PSMA1: variants seen among roughly 807,000 people sequenced by gnomAD.
PSMA1 encodes the protein proteasome subunit alpha type-1.
A neutral mutation model predicts 38.4 loss-of-function variants in PSMA1; 3 were observed. The ratio of observed to expected loss-of-function variants is 0.08; its 90% CI spans 0.04 to 0.20. PSMA1 has a LOEUF of 0.20. Ranked by LOEUF, PSMA1 falls within the 10% of genes least tolerant of loss-of-function variation. The pLI, the probability that PSMA1 is intolerant of heterozygous loss-of-function variation, is 1.00. For synonymous variants in PSMA1, 101 were observed against 107.1 expected, an observed-to-expected ratio of 0.94 and a Z score of 0.35; for missense variants, 227 against 325.3, an observed-to-expected ratio of 0.70 and a Z score of 2.32.
At chr11:14,543,482 G>T (rs1390561958) in intron 2 of PSMA1, among the ~76,000 whole-genome samples, 1 of 151,506 alleles carries the variant, frequency 6.6e-6, no homozygotes, top group Non-Finnish European at 1.5e-5. Flanking sequence ...TATATTTACA[G>T]AATTGTGCAA....
intron 8 of PSMA1, 143 bp from the exon 9 acceptor site, chr11:14,507,909 A>G (rs1230420328): frequency 1.7e-6 from 1 of 595,676 alleles, no homozygotes; most frequent in African/African-American, 1.9e-5. Context: ...TGTAGGAGAA[A>G]AAAGAAGGAA....
chr11:14,539,096 G>C (rs1004627571), intron 2 of PSMA1, among the ~76,000 whole-genome samples: 1 of 152,178 alleles, frequency 6.6e-6, no homozygotes, highest in Non-Finnish European at 1.5e-5. Flanking sequence ...ATTTGTCTGT[G>C]GGAATTTCAA....
intron 3 of PSMA1, 58 bp downstream of exon 3, chr11:14,517,822 C>A: frequency 1.3e-6 from 2 of 1,507,782 alleles, no homozygotes; most frequent in Non-Finnish European, 1.8e-6. Context: ...ACCTTATTTT[C>A]TATGGTGAAA....
chr11:14,634,471 G>A lies in PSMA1; in HGVS notation c.-166+8984C>T, dbSNP rs141799667. 1.2e-3 allele frequency among the ~76,000 whole-genome samples: 185 copies of A among 151,936 alleles called. 5 individuals are homozygous for A. The East Asian group carries it at 0.034, about 28-fold the overall frequency. ...GGGGATATGTTTTTTTGAAGGCGAA[G>A]ATTCCACTTAATTCTTCGTAAAATT... On this transcript the variant is annotated intron_variant, in intron 1 of 10. Coordinates refer to the PSMA1 transcript ENST00000418988.
In PSMA1 at chr11:14,624,694, T is replaced by C. The variant is rs186304341; in HGVS notation, c.-165-13543A>G. Among the ~76,000 whole-genome samples, 22 of 152,238 alleles carry C rather than the reference T, an allele frequency of 1.4e-4. No homozygotes were observed. In the South Asian group the frequency reaches 2.1e-3, roughly 14 times the overall value. On this transcript the variant is annotated intron_variant, in intron 1 of 10. Coordinates refer to the PSMA1 transcript ENST00000418988. ...TGGCAGGGGTAATCAACCCTGATCATTGGGAGAAGGTAGTGCTGCTTATAG... is the reference window on the plus strand; with the variant it reads ...TGGCAGGGGTAATCAACCCTGATCACTGGGAGAAGGTAGTGCTGCTTATAG...
intron 1 of PSMA1, among the ~76,000 whole-genome samples, chr11:14,640,323 G>A (rs959901965): frequency 2.0e-5 from 3 of 152,094 alleles, no homozygotes; most frequent in Non-Finnish European, 2.9e-5. Flanking sequence ...TTACACAGTG[G>A]GGGCACCCTA....
intron 2 of PSMA1, among the ~76,000 whole-genome samples, chr11:14,546,328 A>C (rs1251533006): frequency 6.6e-6 from 1 of 152,032 alleles, no homozygotes; most frequent in African/African-American, 2.4e-5. Context: ...CCCCCCAACA[A>C]CACCAGCACC....
rs370985364 is a variant in PSMA1, at chr11:14,550,186, G to A, written c.22-31145C>T. Reference sequence around the variant, plus strand: ...TTATTTCAAGTTTACGTGAAAAAGCGTCCTTGTGCATGAGTTAGAGGCAAG... The same window carrying A: ...TTATTTCAAGTTTACGTGAAAAAGCATCCTTGTGCATGAGTTAGAGGCAAG... On this transcript the variant is annotated intron_variant, in intron 2 of 10. Transcript: ENST00000418988. 6.6e-5 allele frequency among the ~76,000 whole-genome samples: 10 copies of A among 152,246 alleles called. No individual in the cohort carries two copies. In the East Asian group the frequency reaches 7.7e-4, roughly 12 times the overall value.
intron 2 of PSMA1, among the ~76,000 whole-genome samples, chr11:14,533,853 AGAAAGGGGTAGTAG>A (rs1246836671): frequency 2.6e-5 from 4 of 151,786 alleles, no homozygotes; most frequent in Non-Finnish European, 4.4e-5. Flanking sequence ...CTTGAATGGG[AGAAAGGGGTAGTAG>A]GATAGGAGAA....
At chr11:14,591,141 G>A (rs536291461) in intron 2 of PSMA1, among the ~76,000 whole-genome samples, 110 of 152,366 alleles carry the variant, frequency 7.2e-4, no homozygotes, top group African/African-American at 2.5e-3. Flanking sequence ...GGGCTTGGTG[G>A]GCCTGCACTC....
At chr11:14,539,964 A>G (rs1204928741) in intron 2 of PSMA1, among the ~76,000 whole-genome samples, 2 of 152,232 alleles carry the variant, frequency 1.3e-5, no homozygotes, top group Non-Finnish European at 2.9e-5. Flanking sequence ...GAGAATAAAA[A>G]TAGACCTGAT....
intron 2 of PSMA1, among the ~76,000 whole-genome samples, chr11:14,601,394 C>T (rs1852578732): frequency 2.6e-5 from 4 of 152,164 alleles, no homozygotes; most frequent in Admixed American, 2.0e-4. Context: ...ACATAACTAT[C>T]CCTGGGTCTG....
At chr11:14,507,264 G>A (rs1851259297) in intron 9 of PSMA1, among the ~76,000 whole-genome samples, 1 of 151,964 alleles carries the variant, frequency 6.6e-6, no homozygotes, top group Non-Finnish European at 1.5e-5. Context: ...CGCCTCCCGG[G>A]TTCAAGCGAT....
intron 2 of PSMA1, among the ~76,000 whole-genome samples, chr11:14,571,412 C>T (rs1051452448): frequency 6.6e-6 from 1 of 152,140 alleles, no homozygotes; most frequent in African/African-American, 2.4e-5. Flanking sequence ...CATATCCAGC[C>T]AAACTAAGCT....
chr11:14,636,931 T>C (rs967427640), intron 1 of PSMA1, among the ~76,000 whole-genome samples: 1 of 152,240 alleles, frequency 6.6e-6, no homozygotes, highest in African/African-American at 2.4e-5. Context: ...TAATGGTTTC[T>C]TAAACGATTT....
intron 2 of PSMA1, among the ~76,000 whole-genome samples, chr11:14,546,104 C>G (rs1446591467): frequency 1.3e-5 from 2 of 151,710 alleles, no homozygotes; most frequent in African/African-American, 4.8e-5. Flanking sequence ...CCTCCTGTCT[C>G]TAAGTCTCTT....
chr11:14,569,268 A>G (rs1005010415), intron 2 of PSMA1, among the ~76,000 whole-genome samples: 6 of 152,148 alleles, frequency 3.9e-5, no homozygotes, highest in Admixed American at 6.5e-5. Flanking sequence ...CCAAATAGGA[A>G]CAGCTCCAGT....
chr11:14,579,706 A>G (rs1331556584), intron 2 of PSMA1, among the ~76,000 whole-genome samples: 2 of 152,092 alleles, frequency 1.3e-5, no homozygotes, highest in African/African-American at 4.8e-5. Context: ...TCTTTAAAAG[A>G]ATAAACTTTT....
upstream of PSMA1, among the ~76,000 whole-genome samples, chr11:14,523,989 T>C (rs888835487): frequency 2.6e-5 from 4 of 151,490 alleles, no homozygotes; most frequent in African/African-American, 9.7e-5. Flanking sequence ...TAAAGGTCAT[T>C]GGAAGCCAGG....
Sources: gnomAD v4.1 joint callset for allele counts (sites outside exome capture counted in the v4.1 genomes callset) on GRCh38, gnomAD v4.1.1 for gene constraint, MANE v1.5 for transcripts, NCBI Gene and HGNC (gene_info 2026-07-23, HGNC 2026-07-21) for gene names.